The following MACROD2 variants were observed in gnomAD, a reference collection of about 807,000 sequenced individuals.
MACROD2 encodes the protein ADP-ribose glycohydrolase MACROD2.
MACROD2 carries 36 observed loss-of-function variants against 70.4 expected under a neutral mutation model. The observed-to-expected ratio is 0.51, with a 90% CI of 0.39 to 0.68. MACROD2 has a LOEUF of 0.68. Among genes scored for constraint, MACROD2 ranks in the 30% least tolerant of loss-of-function variants. The pLI, the probability that MACROD2 is intolerant of heterozygous loss-of-function variation, is 0.00. For synonymous variants in MACROD2, 172 were observed against 178.8 expected, an observed-to-expected ratio of 0.96 and a Z score of 0.30; for missense variants, 496 against 538.4, an observed-to-expected ratio of 0.92 and a Z score of 0.78.
At chr20:15,568,423 C>G (rs6105436) in intron 8 of MACROD2, among the ~76,000 whole-genome samples, 1 of 152,200 alleles carries the variant, frequency 6.6e-6, no homozygotes, top group African/African-American at 2.4e-5. Context: ...GACTTTATCC[C>G]TTGCTCTTAC....
chr20:15,781,238 G>A (rs1435994454), intron 8 of MACROD2, among the ~76,000 whole-genome samples: 4 of 152,106 alleles, frequency 2.6e-5, no homozygotes, highest in Non-Finnish European at 5.9e-5. Context: ...GCTAGGAAAA[G>A]CAAGCATTTA....
At chr20:15,850,840 G>A (rs2064289853) in intron 8 of MACROD2, among the ~76,000 whole-genome samples, 1 of 152,146 alleles carries the variant, frequency 6.6e-6, no homozygotes, top group Non-Finnish European at 1.5e-5. Context: ...CACTTTGTTA[G>A]GGTTACATGT....
intron 8 of MACROD2, among the ~76,000 whole-genome samples, chr20:15,709,154 A>G (rs1334502189): frequency 5.3e-5 from 8 of 152,150 alleles, no homozygotes; most frequent in Admixed American, 5.2e-4. Context: ...AAAAGCACCT[A>G]GGGAGGCTGG....
At chr20:14,512,230 G>A (rs1304206665) in intron 4 of MACROD2, among the ~76,000 whole-genome samples, 1 of 152,158 alleles carries the variant, frequency 6.6e-6, no homozygotes, top group African/African-American at 2.4e-5. Flanking sequence ...ACTTGAGAGT[G>A]ATTTGTAGGA....
chr20:15,175,680 G>A (rs1284341239), intron 5 of MACROD2, among the ~76,000 whole-genome samples: 1 of 152,204 alleles, frequency 6.6e-6, no homozygotes, highest in Non-Finnish European at 1.5e-5. Context: ...TTCAAGCAAA[G>A]AGACATTACA....
chr20:14,118,309 G>T (rs189384169), intron 3 of MACROD2, among the ~76,000 whole-genome samples: 6 of 152,246 alleles, frequency 3.9e-5, no homozygotes, highest in East Asian at 3.9e-4. Context: ...ATTAAACAGG[G>T]TATTGTTGGT....
chr20:14,609,303 G>A (rs1983012072), intron 4 of MACROD2, among the ~76,000 whole-genome samples: 1 of 152,162 alleles, frequency 6.6e-6, no homozygotes, highest in African/African-American at 2.4e-5. Context: ...AGTAGTTGCT[G>A]TTGTATTGAT....
chr20:15,716,553 G>A (rs2050710381), intron 8 of MACROD2, among the ~76,000 whole-genome samples: 1 of 152,142 alleles, frequency 6.6e-6, no homozygotes, highest in Non-Finnish European at 1.5e-5. Flanking sequence ...CTGAGTTTGA[G>A]GTTTTTAAAA....
intron 8 of MACROD2, among the ~76,000 whole-genome samples, chr20:15,570,872 A>G (rs941826115): frequency 2.0e-5 from 3 of 152,154 alleles, no homozygotes; most frequent in African/African-American, 7.2e-5. Flanking sequence ...TTGTTGCCAG[A>G]TCCACAGACA....
At chr20:14,578,353 A>G (rs867003534) in intron 4 of MACROD2, among the ~76,000 whole-genome samples, 4 of 152,112 alleles carry the variant, frequency 2.6e-5, no homozygotes, top group South Asian at 4.1e-4. Context: ...ATATACTTTC[A>G]GTGAAGAGAA....
At position 15,334,214 on chromosome 20, in the gene MACROD2, A is replaced by C. The variant is rs114275860; in HGVS notation, c.541-97191A>C. ...ACTAGCTTTCTTGTGTGCAGGTCTTAAAACATGATTCCTTCAGCACTGGAT... is the reference window on the plus strand; with the variant it reads ...ACTAGCTTTCTTGTGTGCAGGTCTTCAAACATGATTCCTTCAGCACTGGAT... On this transcript the variant is annotated intron_variant, in intron 6 of 17. Transcript: ENST00000684519. Among the ~76,000 whole-genome samples the C allele has an allele frequency of 9.7e-3, 1,473 of 151,842 alleles. 72 individuals are homozygous for C. The highest frequency in any genetic ancestry group is 0.034 in the African/African-American group (1,400 of 41,152).
chr20:15,384,886 C>T (rs2045692371), intron 6 of MACROD2, among the ~76,000 whole-genome samples: 1 of 152,124 alleles, frequency 6.6e-6, no homozygotes, highest in African/African-American at 2.4e-5. Flanking sequence ...CCTGTATACA[C>T]TTTGGATTTT....
chr20:14,240,675 A>G (rs1251573698), intron 3 of MACROD2, among the ~76,000 whole-genome samples: 2 of 152,096 alleles, frequency 1.3e-5, no homozygotes, highest in African/African-American at 4.8e-5. Context: ...AACAAAAGAT[A>G]CCCAGGCCTA....
intron 5 of MACROD2, among the ~76,000 whole-genome samples, chr20:14,749,428 G>A (rs1025036113): frequency 4.6e-5 from 7 of 151,966 alleles, no homozygotes; most frequent in African/African-American, 1.5e-4. Context: ...AGGAAAAAAA[G>A]AAAAGGAAGG....
chr20:15,495,825 A>C (rs2085860665), intron 7 of MACROD2, among the ~76,000 whole-genome samples: 1 of 152,230 alleles, frequency 6.6e-6, no homozygotes, highest in Admixed American at 6.5e-5. Flanking sequence ...ATGAAAACAC[A>C]ACATAGGGAG....
chr20:14,547,348 A>C lies in MACROD2; in HGVS notation c.301+53840A>C, dbSNP rs562101171. ...CCCATAAACAAAGTCCATCATACAG[A>C]TCACATACTCCCAGATCTTTGTTTC... is the stretch of plus-strand genomic sequence containing the variant. On this transcript the variant is annotated intron_variant, in intron 4 of 17. Coordinates refer to ENST00000684519, the MANE Select transcript of MACROD2 (RefSeq NM_001351661.2). 4 of 233,446 alleles carry C rather than the reference A, an allele frequency of 1.7e-5. No homozygotes were observed. The South Asian group carries it at 3.2e-4, about 19-fold the overall frequency. 14.5% of individuals were successfully genotyped at this position (233,446 alleles called of 1,614,324 possible). A position where few individuals can be genotyped will look rare whatever the true frequency, so the allele number is the denominator to read the frequency against.
intron 6 of MACROD2, among the ~76,000 whole-genome samples, chr20:15,340,476 C>T (rs556022268): frequency 6.6e-6 from 1 of 152,064 alleles, no homozygotes; most frequent in African/African-American, 2.4e-5. Context: ...TAGACCTAAC[C>T]CACATTGTTG....
chr20:14,691,693 A>G lies in MACROD2; in HGVS notation c.418+6734A>G, dbSNP rs1044345193. Among the ~76,000 whole-genome samples, 59 of 152,314 alleles carry G rather than the reference A, an allele frequency of 3.9e-4. No homozygotes were observed. In the Middle Eastern group the frequency reaches 0.01, roughly 26 times the overall value. On this transcript the variant is annotated intron_variant, in intron 5 of 17. Transcript: ENST00000684519. ...TGCAAAGGGTGACCTGATTTCAGCC[A>G]TCGTGGACTCTCCCAGCAGGTGTCT...
intron 5 of MACROD2, among the ~76,000 whole-genome samples, chr20:15,144,698 T>G (rs2145852022): frequency 6.6e-6 from 1 of 152,222 alleles, no homozygotes; most frequent in Middle Eastern, 3.4e-3. Context: ...GGTGGTAAAA[T>G]AAGCCAAAAG....
Sources: allele counts gnomAD v4.1 joint callset (sites outside exome capture counted in the v4.1 genomes callset), GRCh38; gene constraint gnomAD v4.1.1; transcripts MANE v1.5; gene names NCBI Gene and HGNC (gene_info 2026-07-23, HGNC 2026-07-21).